The following PDGFC variants were observed in gnomAD, a reference collection of about 807,000 sequenced individuals.
PDGFC encodes platelet derived growth factor C.
PDGFC carries 12 observed loss-of-function variants against 35.5 expected under a neutral mutation model. The observed-to-expected ratio is 0.34, with a 90% CI of 0.22 to 0.55. The LOEUF (loss-of-function observed/expected upper bound fraction) is 0.55. Ranked by LOEUF, PDGFC falls within the 20% of genes least tolerant of loss-of-function variation. PDGFC has a pLI of 0.91. For synonymous variants in PDGFC, 159 were observed against 148.8 expected (o/e 1.07, Z -0.50); for missense variants, 322 against 412.4 (o/e 0.78, Z 1.90).
chr4:156,785,176 A>G (rs1213143202), intron 3 of PDGFC, among the ~76,000 whole-genome samples: 1 of 152,132 alleles, frequency 6.6e-6, no homozygotes, highest in Non-Finnish European at 1.5e-5. Context: ...GACTAAGGAC[A>G]CCCAGGCTAA....
chr4:156,797,004 G>A (rs1028510075), intron 3 of PDGFC, among the ~76,000 whole-genome samples: 7 of 152,016 alleles, frequency 4.6e-5, no homozygotes, highest in East Asian at 1.9e-4. Flanking sequence ...TTGAGAGGCC[G>A]AGCAGAGCGG....
At chr4:156,778,896 T>C (rs1215801001) in intron 3 of PDGFC, among the ~76,000 whole-genome samples, 1 of 152,230 alleles carries the variant, frequency 6.6e-6, no homozygotes, top group African/African-American at 2.4e-5. Context: ...TTTCAATTCA[T>C]TCATACCTAA....
intron 1 of PDGFC, among the ~76,000 whole-genome samples, chr4:156,869,787 TGAACAAGATTGA>T (rs1168580396): frequency 2.6e-5 from 4 of 152,180 alleles, no homozygotes; most frequent in African/African-American, 9.7e-5. Flanking sequence ...AACATTTCAG[TGAACAAGATTGA>T]GAATAATACT....
At chr4:156,838,727 C>T (rs977466193) in intron 2 of PDGFC, among the ~76,000 whole-genome samples, 1 of 152,200 alleles carries the variant, frequency 6.6e-6, no homozygotes, top group Non-Finnish European at 1.5e-5. Flanking sequence ...CAATCACTTG[C>T]TGATATGATT....
At chr4:156,903,104 AGTGTGT>A (rs10684023) in intron 1 of PDGFC, among the ~76,000 whole-genome samples, 2 of 130,676 alleles carry the variant, frequency 1.5e-5, no homozygotes, top group Admixed American at 1.6e-4. Context: ...AGAGAGAGAG[AGTGTGT>A]GTGTGTGTGT....
intron 3 of PDGFC, among the ~76,000 whole-genome samples, chr4:156,781,262 T>C (rs948389847): frequency 1.3e-5 from 2 of 152,142 alleles, no homozygotes; most frequent in African/African-American, 4.8e-5. Flanking sequence ...CTGACCATTT[T>C]CCCTACTTCC....
intron 1 of PDGFC, among the ~76,000 whole-genome samples, chr4:156,856,054 T>A (rs1220967858): frequency 6.6e-6 from 1 of 152,162 alleles, no homozygotes; most frequent in Admixed American, 6.6e-5. Context: ...AATATAAAAG[T>A]ATAATGATGG....
intron 3 of PDGFC, among the ~76,000 whole-genome samples, chr4:156,794,019 A>G (rs1254131865): frequency 6.6e-6 from 1 of 152,152 alleles, no homozygotes; most frequent in East Asian, 1.9e-4. Context: ...AAGAGTAAGT[A>G]CTACTGTTAA....
intron 2 of PDGFC, among the ~76,000 whole-genome samples, chr4:156,828,695 T>C (rs576764208): frequency 6.6e-6 from 1 of 152,330 alleles, no homozygotes; most frequent in East Asian, 1.9e-4. Context: ...TGTGCTCTTA[T>C]GGTATATTTA....
chr4:156,933,385 C>A (rs1372926712), intron 1 of PDGFC, among the ~76,000 whole-genome samples: 1 of 152,188 alleles, frequency 6.6e-6, no homozygotes, highest in African/African-American at 2.4e-5. Flanking sequence ...CATGCACAGA[C>A]ACAGAGCAAC....
chr4:156,804,574 A>C (rs1399039148), intron 3 of PDGFC, among the ~76,000 whole-genome samples: 1 of 151,734 alleles, frequency 6.6e-6, no homozygotes, highest in Non-Finnish European at 1.5e-5. Context: ...TCAACATGAC[A>C]CTCACATACT....
intron 2 of PDGFC, among the ~76,000 whole-genome samples, chr4:156,830,596 A>C (rs1293096717): frequency 6.6e-6 from 1 of 152,182 alleles, no homozygotes; most frequent in Non-Finnish European, 1.5e-5. Context: ...TTTTTGGTAC[A>C]GCAACTCCAG....
At position 156,850,270 on chromosome 4, in the gene PDGFC, T is replaced by C; in HGVS notation, c.265A>G (p.Thr89Ala). Residue 89 changes from threonine (T) to alanine (A), a missense_variant, in exon 2 of 6, where the codon ACG becomes GCG. This residue lies in a region of PDGFC where 120 missense variants were observed against 116.6 expected (regional missense o/e 1.03). Coordinates refer to ENST00000502773, the MANE Select transcript of PDGFC (RefSeq NM_016205.3). ...TCAAGCCCAAATCTTTCATCAAACG[T>C]AAGTTGTATCCATACATTTTCCTCT... The part of the protein sequence containing the change: ...AVEENVWIQL[T>A]FDERFGLEDP... 4 of 1,606,182 alleles carry C rather than the reference T, an allele frequency of 2.5e-6. No homozygotes were observed. The highest frequency in any genetic ancestry group is 3.4e-6 in the Non-Finnish European group (4 of 1,175,906).
chr4:156,826,547 G>A (rs554496703), intron 2 of PDGFC, among the ~76,000 whole-genome samples: 2 of 152,212 alleles, frequency 1.3e-5, no homozygotes, highest in South Asian at 2.1e-4. Flanking sequence ...TTAAGGTGAA[G>A]ATGAGTCAAA....
At chr4:156,780,723 A>G (rs1730955129) in intron 3 of PDGFC, among the ~76,000 whole-genome samples, 1 of 152,150 alleles carries the variant, frequency 6.6e-6, no homozygotes, top group Non-Finnish European at 1.5e-5. Flanking sequence ...CTGAGAGGGC[A>G]ACAGAAAAAT....
intron 2 of PDGFC, among the ~76,000 whole-genome samples, chr4:156,842,797 T>G (rs1729236189): frequency 6.6e-6 from 1 of 152,210 alleles, no homozygotes; most frequent in Admixed American, 6.5e-5. Context: ...GTAACCCACC[T>G]GTTATTTTAT....
rs76684269 is a variant in PDGFC, at chr4:156,791,536, G to A, written c.496-18643C>T. ...AAAAAGAGGAAATAATGTAAAGAATGCACTGAAATGACCTAATAAAGAAGA... is the reference window on the plus strand; with the variant it reads ...AAAAAGAGGAAATAATGTAAAGAATACACTGAAATGACCTAATAAAGAAGA... On this transcript the variant is annotated intron_variant, in intron 3 of 5. Transcript: ENST00000502773. 8.9e-3 allele frequency among the ~76,000 whole-genome samples: 1,347 copies of A among 151,904 alleles called. 17 individuals carry two copies. The highest frequency in any genetic ancestry group is 0.013 in the Non-Finnish European group (883 of 67,944).
At chr4:156,899,404 T>C (rs1228384758) in intron 1 of PDGFC, among the ~76,000 whole-genome samples, 2 of 152,250 alleles carry the variant, frequency 1.3e-5, no homozygotes, top group Non-Finnish European at 1.5e-5. Context: ...TGCCTTACTG[T>C]CCTGCTGTTC....
intron 3 of PDGFC, among the ~76,000 whole-genome samples, chr4:156,808,867 C>T (rs1731848066): frequency 6.6e-6 from 1 of 151,886 alleles, no homozygotes; most frequent in Non-Finnish European, 1.5e-5. Context: ...GAAGAAATGG[C>T]AGGTTAATTG....
Sources: allele counts gnomAD v4.1 joint callset (sites outside exome capture counted in the v4.1 genomes callset), GRCh38; gene constraint gnomAD v4.1.1; regional missense constraint gnomAD v4.1.1; transcripts MANE v1.5; gene names NCBI Gene and HGNC (gene_info 2026-07-23, HGNC 2026-07-21).